Variants in ATP13A3 observed in about 807,000 individuals in gnomAD.
The protein encoded by ATP13A3 is ATPase 13A3, also known as polyamine-transporting ATPase 13A3.
A neutral mutation model predicts 158.1 loss-of-function variants in ATP13A3; 59 were observed. That is an observed-to-expected ratio of 0.37 (90% CI 0.30 to 0.46). The LOEUF (loss-of-function observed/expected upper bound fraction) is 0.46, where lower values mean the gene tolerates loss of function less well. Among genes scored for constraint, ATP13A3 ranks in the 20% least tolerant of loss-of-function variants. ATP13A3 has a pLI of 1.00. For synonymous variants in ATP13A3, 491 were observed against 504.3 expected (o/e 0.97, Z 0.35); for missense variants, 1,166 against 1,525.2 (o/e 0.76, Z 3.92).
intron 14 of ATP13A3, 38 bp downstream of exon 14, chr3:194,446,889 G>A (rs763930274): frequency 1.1e-5 from 17 of 1,507,070 alleles, no homozygotes; most frequent in Admixed American, 6.7e-5. Flanking sequence ...TAAACGCTAC[G>A]AAGTAACCTT....
chr3:194,408,472 G>C (rs1014719473), intron 33 of ATP13A3, among the ~76,000 whole-genome samples: 7 of 152,192 alleles, frequency 4.6e-5, no homozygotes, highest in African/African-American at 1.7e-4. Context: ...GTAGCAAGCT[G>C]AGTTAAGGAA....
chr3:194,423,162 G>T (rs1366813178), intron 30 of ATP13A3, among the ~76,000 whole-genome samples: 1 of 152,088 alleles, frequency 6.6e-6, no homozygotes. Flanking sequence ...CCCTTGAAAT[G>T]AAGGCAGCTG....
At chr3:194,417,442 CACAA>C (rs1419223285) in intron 31 of ATP13A3, among the ~76,000 whole-genome samples, 2 of 145,906 alleles carry the variant, frequency 1.4e-5, no homozygotes, top group African/African-American at 2.6e-5. Flanking sequence ...CACACACACA[CACAA>C]AAGGAGGAAG....
At chr3:194,436,518 T>C (rs746194568) in intron 20 of ATP13A3, among the ~76,000 whole-genome samples, 21 of 152,234 alleles carry the variant, frequency 1.4e-4, no homozygotes, top group African/African-American at 5.1e-4. Flanking sequence ...GCCTGACACA[T>C]AGTGGGCACA....
intron 33 of ATP13A3, among the ~76,000 whole-genome samples, chr3:194,407,128 A>G (rs1714996327): frequency 6.6e-6 from 1 of 152,154 alleles, no homozygotes; most frequent in South Asian, 2.1e-4. Flanking sequence ...GAAATTTGAA[A>G]TAAATATAAA....
chr3:194,428,675 T>C (rs1196258524), intron 28 of ATP13A3, among the ~76,000 whole-genome samples, 170 bp downstream of exon 28: 7 of 152,074 alleles, frequency 4.6e-5, no homozygotes, highest in African/African-American at 1.7e-4. Context: ...GACAGAACAA[T>C]TAAAAAATTG....
chr3:194,481,080 G>A (rs1254257094), intron 2 of ATP13A3, among the ~76,000 whole-genome samples: 1 of 152,136 alleles, frequency 6.6e-6, no homozygotes, highest in South Asian at 2.1e-4. Context: ...TTTTATCTGA[G>A]AATTTAGGCC....
rs145706606 is a variant in ATP13A3, at chr3:194,423,291, T to C, written c.3313+2051A>G. Among the ~76,000 whole-genome samples the C allele has an allele frequency of 1.1e-3, 160 of 152,320 alleles. 2 individuals carry two copies. Among genetic ancestry groups the C allele is most frequent in the African/African-American group, 3.6e-3 (149 of 41,576 alleles). On this transcript the variant is annotated intron_variant, in intron 30 of 33. Coordinates refer to ENST00000645319, the MANE Select transcript of ATP13A3 (RefSeq NM_001367549.1). Reference sequence around the variant, plus strand: ...AGAAAGCAAAAAACTCTAAAGAGAATTCCTTAAACGCCTAAGGCTGAGATT... The same window carrying C: ...AGAAAGCAAAAAACTCTAAAGAGAACTCCTTAAACGCCTAAGGCTGAGATT...
chr3:194,472,560 G>C (rs1019831792), intron 2 of ATP13A3, among the ~76,000 whole-genome samples: 2 of 152,216 alleles, frequency 1.3e-5, no homozygotes, highest in African/African-American at 4.8e-5. Flanking sequence ...GCAGTTATCT[G>C]AAGTGATCAA....
chr3:194,428,704 T>C, intron 28 of ATP13A3, 141 bp downstream of exon 28: 1 of 550,484 alleles, frequency 1.8e-6, no homozygotes, highest in Non-Finnish European at 3.2e-6. Flanking sequence ...TATAAACAAC[T>C]GGTAATAAAA....
chr3:194,461,630 T>C (rs1447271348), intron 3 of ATP13A3, among the ~76,000 whole-genome samples: 1 of 152,178 alleles, frequency 6.6e-6, no homozygotes, highest in African/African-American at 2.4e-5. Flanking sequence ...TTTCAAATAA[T>C]CTTTTTGTCT....
intron 29 of ATP13A3, among the ~76,000 whole-genome samples, chr3:194,426,152 G>A (rs950901694): frequency 6.6e-6 from 1 of 152,112 alleles, no homozygotes; most frequent in Non-Finnish European, 1.5e-5. Context: ...TATGCTGCAA[G>A]TGAACTATGG....
At chr3:194,468,949 C>T (rs142774608) in intron 2 of ATP13A3, among the ~76,000 whole-genome samples, 3,292 of 152,234 alleles carry the variant, frequency 0.022, 55 homozygotes, top group Middle Eastern at 0.054. Flanking sequence ...GCGTGGTCAG[C>T]ATGGTGAAAC....
intron 21 of ATP13A3, among the ~76,000 whole-genome samples, 189 bp downstream of exon 21, chr3:194,433,583 C>T (rs531288094): frequency 5.9e-5 from 9 of 152,266 alleles, no homozygotes; most frequent in South Asian, 4.1e-4. Context: ...AAATAGGATT[C>T]GCTAGACCTC....
At chr3:194,427,877 A>G (rs1482193237) in intron 28 of ATP13A3, among the ~76,000 whole-genome samples, 1 of 152,106 alleles carries the variant, frequency 6.6e-6, no homozygotes, top group Admixed American at 6.5e-5. Context: ...TTTTTCAAAA[A>G]GGCTTTCATT....
chr3:194,409,948 T>G (rs1025674240), intron 33 of ATP13A3, among the ~76,000 whole-genome samples: 8 of 151,312 alleles, frequency 5.3e-5, no homozygotes, highest in African/African-American at 1.7e-4. Context: ...TGCTGGGAGG[T>G]TATAAGAACT....
intron 10 of ATP13A3, chr3:194,452,113 G>T (rs1485231023): frequency 1.3e-5 from 2 of 152,348 alleles, no homozygotes; most frequent in African/African-American, 4.8e-5. Flanking sequence ...CCAGCACTCT[G>T]GGAGGCCAAG....
At chr3:194,488,620 T>G (rs1721095171), upstream of ATP13A3, 2 of 152,492 alleles carry the variant, frequency 1.3e-5, no homozygotes, top group Admixed American at 1.3e-4. The surrounding 1 kb of genome is among the most constrained non-coding windows in gnomAD (Gnocchi z 4.1). Flanking sequence ...GCCTTATCTC[T>G]CTGGTTCTTT....
At position 194,431,184 on chromosome 3, in the gene ATP13A3, G is replaced by C. The variant is rs560588545; in HGVS notation, c.2464C>G (p.Gln822Glu). 3.7e-6 allele frequency: 6 copies of C among 1,613,500 alleles called. No individual in the cohort carries two copies. In the African/African-American group the frequency reaches 5.3e-5, roughly 14 times the overall value. The change falls in exon 23 of 34, where the codon CAA (glutamine) becomes GAA (glutamate). Residue 822 changes from glutamine to glutamate, a missense_variant. Physicochemically the swap from Gln to Glu is conservative, Grantham distance 29. This residue lies in a region of ATP13A3 where 997 missense variants were observed against 1,341.2 expected (regional missense o/e 0.74). Coordinates refer to ENST00000645319, the MANE Select transcript of ATP13A3 (RefSeq NM_001367549.1). ...KLVHDSLEDL[Q>E]MTRYHFAMNG... ...ATTGCAAAATGATAACGAGTCATTT[G>C]AAGATCCTCTAAGCTATCATGGACC...
Sources: allele counts gnomAD v4.1 joint callset (sites outside exome capture counted in the v4.1 genomes callset), GRCh38; gene constraint gnomAD v4.1.1; regional missense constraint gnomAD v4.1.1; non-coding constraint Gnocchi (gnomAD v3.1); transcripts MANE v1.5; gene names NCBI Gene and HGNC (gene_info 2026-07-23, HGNC 2026-07-21).